Variants in IL17RD observed in about 807,000 individuals in gnomAD.
The protein encoded by IL17RD is interleukin-17 receptor D.
A neutral mutation model predicts 80.5 loss-of-function variants in IL17RD; 52 were observed. That is an observed-to-expected ratio of 0.65 (90% CI 0.52 to 0.81). IL17RD has a LOEUF of 0.81. Ranked by LOEUF, IL17RD falls within the 40% of genes least tolerant of loss-of-function variation. The pLI is 0.00. For synonymous variants in IL17RD, 416 were observed against 391.8 expected, an observed-to-expected ratio of 1.06 and a Z score of -0.73; for missense variants, 1,024 against 955.1, an observed-to-expected ratio of 1.07 and a Z score of -0.95.
At chr3:57,136,655 A>C (rs1271608995) in intron 1 of IL17RD, among the ~76,000 whole-genome samples, 2 of 151,500 alleles carry the variant, frequency 1.3e-5, no homozygotes, top group Non-Finnish European at 2.9e-5. Context: ...AAAAAAAAAA[A>C]AAAAAAAAAC....
intron 11 of IL17RD, among the ~76,000 whole-genome samples, chr3:57,099,621 T>C (rs571603091): frequency 1.3e-5 from 2 of 152,332 alleles, no homozygotes; most frequent in African/African-American, 4.8e-5. Context: ...CCCTGAATTG[T>C]CTTATACTTT....
intron 3 of IL17RD, among the ~76,000 whole-genome samples, chr3:57,113,937 G>A (rs1319455097): frequency 1.3e-5 from 2 of 151,986 alleles, no homozygotes; most frequent in East Asian, 1.9e-4. Flanking sequence ...TGTAATCCCA[G>A]CACTTTTGGA....
At chr3:57,113,535 C>A (rs943561048) in intron 3 of IL17RD, among the ~76,000 whole-genome samples, 1 of 152,102 alleles carries the variant, frequency 6.6e-6, no homozygotes, top group East Asian at 1.9e-4. Context: ...CCACGCCCAG[C>A]CTGTTTTGTT....
At chr3:57,120,712 G>A (rs1169559533) in intron 1 of IL17RD, among the ~76,000 whole-genome samples, 6 of 152,148 alleles carry the variant, frequency 3.9e-5, no homozygotes, top group Admixed American at 1.3e-4. Flanking sequence ...GCCCTCATCC[G>A]CAAGCTCTAT....
At chr3:57,153,205 C>T (rs573522372) in intron 1 of IL17RD, among the ~76,000 whole-genome samples, 1 of 152,270 alleles carries the variant, frequency 6.6e-6, no homozygotes, top group South Asian at 2.1e-4. Context: ...TTTAAAAAGA[C>T]AACACAAGAC....
intron 1 of IL17RD, among the ~76,000 whole-genome samples, chr3:57,143,823 G>A (rs1018877023): frequency 3.9e-5 from 6 of 152,298 alleles, no homozygotes; most frequent in Non-Finnish European, 7.4e-5. Context: ...GTGAAGGCGA[G>A]GGGGGCACCT....
At chr3:57,105,407 T>C (rs1706931369) in intron 7 of IL17RD, among the ~76,000 whole-genome samples, 1 of 150,694 alleles carries the variant, frequency 6.6e-6, no homozygotes, top group South Asian at 2.1e-4. Flanking sequence ...TGTGGTGGCA[T>C]GCGCCTATAA....
At chr3:57,152,938 C>T (rs1579318033) in intron 1 of IL17RD, among the ~76,000 whole-genome samples, 1 of 152,136 alleles carries the variant, frequency 6.6e-6, no homozygotes, top group South Asian at 2.1e-4. Context: ...CGTAAACCTG[C>T]CCCGGCCAAA....
At chr3:57,142,346 A>G in intron 1 of IL17RD, 2 of 447,210 alleles carry the variant, frequency 4.5e-6, no homozygotes, top group South Asian at 3.4e-5. Flanking sequence ...TTAAAAATTC[A>G]CTCTGTTCTT....
At chr3:57,116,803 C>A (rs1426029087) in intron 2 of IL17RD, among the ~76,000 whole-genome samples, 3 of 151,208 alleles carry the variant, frequency 2.0e-5, no homozygotes, top group Admixed American at 6.6e-5. Context: ...TCTATCACAG[C>A]ACAGAGCTTA....
intron 1 of IL17RD, among the ~76,000 whole-genome samples, chr3:57,163,802 A>AG (rs1559489790): frequency 4.2e-3 from 31 of 7,390 alleles, no homozygotes; most frequent in Admixed American, 6.0e-3. Context: ...GCGGGGGGGG[A>AG]AGGGGGTGGC....
chr3:57,098,890 G>A (rs904740086), intron 11 of IL17RD, among the ~76,000 whole-genome samples: 2 of 152,376 alleles, frequency 1.3e-5, no homozygotes, highest in African/African-American at 4.8e-5. Flanking sequence ...ACAGGTGGTA[G>A]AGAGCACAGG....
chr3:57,098,830 T>C (rs1484500023), intron 11 of IL17RD, among the ~76,000 whole-genome samples: 1 of 152,234 alleles, frequency 6.6e-6, no homozygotes, highest in Non-Finnish European at 1.5e-5. Context: ...CGCAGTGCTT[T>C]TGGCACCTTG....
intron 1 of IL17RD, among the ~76,000 whole-genome samples, chr3:57,154,984 A>T (rs2060257761): frequency 6.6e-6 from 1 of 152,158 alleles, no homozygotes; most frequent in Non-Finnish European, 1.5e-5. Context: ...TAAGATCAGA[A>T]ATATCTAGTT....
chr3:57,130,713 G>T (rs1042559123), intron 1 of IL17RD, among the ~76,000 whole-genome samples: 1 of 152,142 alleles, frequency 6.6e-6, no homozygotes, highest in Admixed American at 6.5e-5. Context: ...GTTACCTCCT[G>T]ATCAAACCAT....
At chr3:57,157,259 T>C (rs2060274185) in intron 1 of IL17RD, among the ~76,000 whole-genome samples, 1 of 152,176 alleles carries the variant, frequency 6.6e-6, no homozygotes, top group African/African-American at 2.4e-5. Context: ...GGGGCAGTTC[T>C]AGGATGAGGA....
chr3:57,163,789 G>GGA (rs1553629888), intron 1 of IL17RD, among the ~76,000 whole-genome samples: 1 of 105,774 alleles, frequency 9.5e-6, no homozygotes, highest in East Asian at 3.2e-4. Flanking sequence ...ATGGGGCGGG[G>GGA]GGGCGGGGGG....
chr3:57,110,329 C>G lies in IL17RD; in HGVS notation c.311-18G>C. On this transcript the variant is annotated intron_variant, in intron 3 of 12. Coordinates refer to ENST00000296318, the MANE Select transcript of IL17RD (RefSeq NM_017563.5). Reference sequence around the variant, plus strand: ...TTCGATGCCTAAGCAAAGCAGAATGCTTTTATTAATAGTGAACCTAATTAC... The same window carrying G: ...TTCGATGCCTAAGCAAAGCAGAATGGTTTTATTAATAGTGAACCTAATTAC... The G allele has an allele frequency of 6.4e-7, 1 of 1,570,034 alleles. No individual in the cohort carries two copies. Among genetic ancestry groups the G allele is most frequent in the East Asian group, 2.3e-5 (1 of 43,000 alleles).
At chr3:57,124,119 A>C (rs1429000496) in intron 1 of IL17RD, among the ~76,000 whole-genome samples, 2 of 152,186 alleles carry the variant, frequency 1.3e-5, no homozygotes, top group Non-Finnish European at 2.9e-5. Context: ...CATGCATCAC[A>C]GATGCTCTAT....
Sources: gnomAD v4.1 joint callset for allele counts (sites outside exome capture counted in the v4.1 genomes callset) on GRCh38, gnomAD v4.1.1 for gene constraint, MANE v1.5 for transcripts, NCBI Gene and HGNC (gene_info 2026-07-23, HGNC 2026-07-21) for gene names.